Variants in TSPAN9 observed in about 807,000 individuals in gnomAD.
TSPAN9 encodes tetraspanin 9, also known as tetraspanin-9.
Under a neutral mutation model 31.0 loss-of-function variants are expected in TSPAN9, and 16 were observed. The ratio of observed to expected loss-of-function variants is 0.52; its 90% CI spans 0.35 to 0.78. The LOEUF (loss-of-function observed/expected upper bound fraction) is 0.78, where lower values mean the gene tolerates loss of function less well. Ranked by LOEUF, TSPAN9 falls within the 30% of genes least tolerant of loss-of-function variation. TSPAN9 has a pLI of 0.01. For missense variants in TSPAN9, 272 were observed against 312.5 expected (o/e 0.87, Z 0.98); for synonymous variants, 145 against 121.6 (o/e 1.19, Z -1.27).
chr12:3,186,727 G>A (rs913952912), intron 2 of TSPAN9, among the ~76,000 whole-genome samples: 17 of 152,136 alleles, frequency 1.1e-4, no homozygotes, highest in Non-Finnish European at 2.2e-4. Flanking sequence ...TTTTTCTTGG[G>A]GAGGCCCCAG....
intron 3 of TSPAN9, among the ~76,000 whole-genome samples, chr12:3,247,785 G>C (rs1862168576): frequency 6.6e-6 from 1 of 152,170 alleles, no homozygotes; most frequent in African/African-American, 2.4e-5. Context: ...CTGTGCTTGT[G>C]GTTTCCCTGT....
intron 2 of TSPAN9, among the ~76,000 whole-genome samples, chr12:3,163,001 C>T (rs780151479): frequency 2.6e-5 from 4 of 152,164 alleles, no homozygotes; most frequent in East Asian, 3.9e-4. Context: ...CAGTCATTGG[C>T]GAATCTCCCC....
Position 3,093,205 on chromosome 12 carries a change from G to A in TSPAN9, c.-18+9486G>A, listed in dbSNP as rs138170034. On this transcript the variant is annotated intron_variant, in intron 2 of 8. Transcript: ENST00000011898. ...GCCCCCAGTTCTGGGAGATGGGATG[G>A]CAGTCTGGTTTCCTGGGCCCACCTT... Among the ~76,000 whole-genome samples, 729 of 152,318 alleles carry A rather than the reference G, an allele frequency of 4.8e-3. 6 individuals carry two copies. The highest frequency in any genetic ancestry group is 0.016 in the African/African-American group (680 of 41,562).
chr12:3,086,185 CAA>C (rs1404061103), intron 2 of TSPAN9, among the ~76,000 whole-genome samples: 2 of 152,206 alleles, frequency 1.3e-5, no homozygotes, highest in Admixed American at 1.3e-4. Context: ...GCTCTCAAAC[CAA>C]AAGTGTAACC....
Position 3,198,856 on chromosome 12 carries a change from C to T in TSPAN9, c.-17-2321C>T, listed in dbSNP as rs555578238. On this transcript the variant is annotated intron_variant, in intron 2 of 8. Coordinates refer to ENST00000011898, the MANE Select transcript of TSPAN9 (RefSeq NM_006675.5). ...CAGGTCACACCAGCACAGGTCACCA[C>T]CAGCACAGGCCACCACCAGCACAGG... Among the ~76,000 whole-genome samples, 59 of 148,106 alleles carry T rather than the reference C, an allele frequency of 4.0e-4. 2 individuals carry two copies. Among genetic ancestry groups the T allele is most frequent in the Non-Finnish European group, 5.4e-4 (36 of 67,106 alleles).
chr12:3,181,176 A>G (rs1294233203), intron 2 of TSPAN9, among the ~76,000 whole-genome samples: 1 of 152,154 alleles, frequency 6.6e-6, no homozygotes, highest in Admixed American at 6.5e-5. Context: ...TTACTACTCC[A>G]GAGGGGAAGA....
intron 3 of TSPAN9, among the ~76,000 whole-genome samples, chr12:3,228,565 A>C (rs1313504688): frequency 1.3e-5 from 2 of 152,158 alleles, no homozygotes; most frequent in Non-Finnish European, 2.9e-5. Context: ...AGGCCCCACT[A>C]TTGGCAGGCA....
intron 3 of TSPAN9, among the ~76,000 whole-genome samples, chr12:3,255,474 A>ACTTTCTCCCCACTCAGCC (rs147867843): frequency 0.041 from 6,249 of 152,198 alleles, 172 homozygotes; most frequent in Non-Finnish European, 0.062. Context: ...TTTCTCCAGC[A>ACTTTCTCCCCACTCAGCC]CTTTCTCCCC....
At chr12:3,265,111 G>A (rs1045271424) in intron 3 of TSPAN9, among the ~76,000 whole-genome samples, 1 of 152,186 alleles carries the variant, frequency 6.6e-6, no homozygotes, top group African/African-American at 2.4e-5. Flanking sequence ...TGGGCTCAGG[G>A]CAGATGTGTG....
intron 3 of TSPAN9, among the ~76,000 whole-genome samples, chr12:3,215,911 CTCTG>C (rs986766904): frequency 1.3e-5 from 2 of 152,210 alleles, no homozygotes; most frequent in African/African-American, 4.8e-5. Context: ...ACCGGGACCT[CTCTG>C]TCTGGCTTGC....
chr12:3,087,295 G>A (rs1002758140), intron 2 of TSPAN9, among the ~76,000 whole-genome samples: 3 of 152,154 alleles, frequency 2.0e-5, no homozygotes, highest in African/African-American at 7.2e-5. Flanking sequence ...CAAGGCGGGA[G>A]CATTGCTTGA....
chr12:3,249,900 G>A (rs1862215302), intron 3 of TSPAN9, among the ~76,000 whole-genome samples: 1 of 152,194 alleles, frequency 6.6e-6, no homozygotes, highest in Non-Finnish European at 1.5e-5. Context: ...ATTGCCCCTT[G>A]TCGTCTCACC....
chr12:3,171,080 G>T (rs11524965), intron 2 of TSPAN9, among the ~76,000 whole-genome samples: 29,617 of 151,942 alleles, frequency 0.19, 3,584 homozygotes, highest in South Asian at 0.38. Flanking sequence ...TGGATTATGG[G>T]AACAGTTTCC....
chr12:3,087,842 A>C (rs570831268), intron 2 of TSPAN9, among the ~76,000 whole-genome samples: 1 of 152,152 alleles, frequency 6.6e-6, no homozygotes, highest in South Asian at 2.1e-4. Flanking sequence ...CTGTGATGTG[A>C]GTGCCTTCCC....
chr12:3,167,139 G>A (rs2098348896), intron 2 of TSPAN9, among the ~76,000 whole-genome samples: 1 of 152,052 alleles, frequency 6.6e-6, no homozygotes, highest in Non-Finnish European at 1.5e-5. Flanking sequence ...TACAGCTTGC[G>A]TTCTTTTGTC....
At chr12:3,157,380 C>T (rs1293740775) in intron 2 of TSPAN9, among the ~76,000 whole-genome samples, 3 of 152,054 alleles carry the variant, frequency 2.0e-5, no homozygotes, top group African/African-American at 4.8e-5. Flanking sequence ...GGATTACAGG[C>T]GTGAGCCACT....
At chr12:3,253,030 C>T (rs1005730612) in intron 3 of TSPAN9, among the ~76,000 whole-genome samples, 2 of 151,676 alleles carry the variant, frequency 1.3e-5, no homozygotes, top group East Asian at 1.9e-4. Context: ...GCCACTGCAC[C>T]GCCCTGTTTA....
At chr12:3,167,981 GTCC>G (rs2098349475) in intron 2 of TSPAN9, among the ~76,000 whole-genome samples, 1 of 152,206 alleles carries the variant, frequency 6.6e-6, no homozygotes, top group African/African-American at 2.4e-5. Flanking sequence ...TCATGGGCCT[GTCC>G]TCCTGGGAGG....
At chr12:3,209,768 G>A (rs1338208955) in intron 3 of TSPAN9, among the ~76,000 whole-genome samples, 1 of 151,784 alleles carries the variant, frequency 6.6e-6, no homozygotes, top group Non-Finnish European at 1.5e-5. Context: ...GACCATCCTG[G>A]CTAACACGGT....
Sources: gnomAD v4.1 joint callset for allele counts (sites outside exome capture counted in the v4.1 genomes callset) on GRCh38, gnomAD v4.1.1 for gene constraint, MANE v1.5 for transcripts, NCBI Gene and HGNC (gene_info 2026-07-23, HGNC 2026-07-21) for gene names.